Variants in ITGA7 observed in about 807,000 individuals in gnomAD.
The protein encoded by ITGA7 is integrin subunit alpha 7, also known as integrin alpha-7.
Under a neutral mutation model 131.6 loss-of-function variants are expected in ITGA7, and 84 were observed. The observed-to-expected ratio is 0.64, with a 90% CI of 0.54 to 0.77. ITGA7 has a LOEUF of 0.77. Among genes scored for constraint, ITGA7 ranks in the 30% least tolerant of loss-of-function variants. The pLI is 0.00. For synonymous variants in ITGA7, 548 were observed against 600.7 expected (o/e 0.91, Z 1.28); for missense variants, 1,399 against 1,482.9 (o/e 0.94, Z 0.93).
upstream of ITGA7, chr12:55,712,208 G>A (rs1248294211): frequency 4.5e-6 from 7 of 1,551,326 alleles, no homozygotes; most frequent in South Asian, 1.2e-5. Context: ...GGTCTTTGAC[G>A]ATCCAAAAGA....
chr12:55,712,434 C>G, upstream of ITGA7: 1 of 626,074 alleles, frequency 1.6e-6, no homozygotes, highest in South Asian at 1.9e-5. Flanking sequence ...TCATCCAACC[C>G]CTAACAACTC....
At position 55,701,259 on chromosome 12, in the gene ITGA7, T is replaced by TCACATG. The variant is rs373790389; in HGVS notation, c.415-111_415-106dup. 3.8e-3 allele frequency: 5,979 copies of TCACATG among 1,562,548 alleles called. 98 individuals carry two copies. The African/African-American group carries it at 0.046, about 12-fold the overall frequency. Reference sequence around the variant, plus strand: ...TTGGCAGATACTGATACATGTGTGCTCACATGCACATGCACATGCACACAT... The same window carrying TCACATG: ...TTGGCAGATACTGATACATGTGTGCTCACATGCACATGCACATGCACATGCACACAT... On this transcript the variant is annotated intron_variant, in intron 3 of 24. Transcript: ENST00000257879.
chr12:55,692,574 A>G (rs959564257), intron 21 of ITGA7, among the ~76,000 whole-genome samples: 22 of 152,248 alleles, frequency 1.4e-4, no homozygotes, highest in Admixed American at 7.8e-4. Flanking sequence ...TATAAAATGT[A>G]ATGCTTTATA....
At chr12:55,685,381 T>C (rs939487600) in intron 24 of ITGA7, 93 bp from the exon 25 acceptor site, 11 of 1,143,356 alleles carry the variant, frequency 9.6e-6, no homozygotes, top group Non-Finnish European at 1.4e-5. Flanking sequence ...ACCCTCACCA[T>C]CCCTGCTGCG....
rs755126682 is a variant in ITGA7, at chr12:55,684,719, C to G, written c.*339G>C. On this transcript the variant is annotated 3_prime_UTR_variant, in exon 25 of 25. Transcript: ENST00000257879. ...CTCCCCGACCCTCTAGGTTAAGGCA[C>G]TTCCGGGGAGGCAGGTCCTTGGGGT... 3 of 308,922 alleles carry G rather than the reference C, an allele frequency of 9.7e-6. No individual in the cohort carries two copies. The highest frequency in any genetic ancestry group is 4.3e-5 in the African/African-American group (2 of 47,046). 19.1% of individuals were successfully genotyped at this position (308,922 alleles called of 1,614,324 possible). A position where few individuals can be genotyped will look rare whatever the true frequency, so the allele number is the denominator to read the frequency against.
At chr12:55,695,676 C>A (rs761198268) in intron 13 of ITGA7, 39 bp from the exon 14 acceptor site, 4 of 1,449,066 alleles carry the variant, frequency 2.8e-6, no homozygotes, top group Non-Finnish European at 3.9e-6. Context: ...TCCTAGGGGG[C>A]AAGGCAGGGG....
At chr12:55,698,322 G>C (rs1873102573) in intron 7 of ITGA7, 61 bp downstream of exon 7, 1 of 1,461,800 alleles carries the variant, frequency 6.8e-7, no homozygotes, top group African/African-American at 1.4e-5. Flanking sequence ...GACCTCTGAG[G>C]GGCTTCCCCA....
At chr12:55,691,269 T>C (rs1293809397) in intron 21 of ITGA7, among the ~76,000 whole-genome samples, 3 of 152,230 alleles carry the variant, frequency 2.0e-5, no homozygotes, top group South Asian at 4.1e-4. Flanking sequence ...GTTGAACTCA[T>C]AGAAGTAGAG....
intron 24 of ITGA7, among the ~76,000 whole-genome samples, chr12:55,686,599 C>A (rs905485784): frequency 1.2e-4 from 18 of 152,174 alleles, no homozygotes; most frequent in African/African-American, 4.3e-4. Context: ...TTCTCCAGAG[C>A]CCCAAGGACA....
chr12:55,690,002 A>G (rs1201520603), intron 21 of ITGA7, among the ~76,000 whole-genome samples: 2 of 152,250 alleles, frequency 1.3e-5, no homozygotes, highest in Admixed American at 6.5e-5. Flanking sequence ...AATGTTAGAC[A>G]TAAACCATAA....
chr12:55,711,300 A>G (rs1876089009), upstream of ITGA7, among the ~76,000 whole-genome samples: 4 of 152,174 alleles, frequency 2.6e-5, no homozygotes, highest in African/African-American at 9.7e-5. Flanking sequence ...CAATATGACA[A>G]AAACCCATCT....
chr12:55,700,974 G>C lies in ITGA7; in HGVS notation c.595C>G (p.Gln199Glu), dbSNP rs2136055708. The C allele has an allele frequency of 1.2e-6, 2 of 1,614,220 alleles. No individual in the cohort carries two copies. The highest frequency in any genetic ancestry group is 1.7e-6 in the Non-Finnish European group (2 of 1,180,032). The change falls in exon 4 of 25, where the codon CAG (glutamine) becomes GAG (glutamate). Residue 199 changes from glutamine to glutamate, a missense_variant. Coordinates refer to ENST00000257879, the MANE Select transcript of ITGA7 (RefSeq NM_002206.3). ...GGGGAGAAGGCGGCAGCTGTGCCCT[G>C]CTGGCAGAACCCAAATTGTTCATGG... ...QGHEQFGFCQ[Q>E]GTAAAFSPDS... is the part of the protein sequence containing the mutation.
At chr12:55,708,954 A>G (rs1363928488), upstream of ITGA7, among the ~76,000 whole-genome samples, 1 of 152,134 alleles carries the variant, frequency 6.6e-6, no homozygotes, top group African/African-American at 2.4e-5. Context: ...ACTCTCTGCT[A>G]TTTATAACTC....
Position 55,693,150 on chromosome 12 carries a change from G to A in ITGA7, c.2703C>T (p.Ile901=). The A allele has an allele frequency of 6.2e-7, 1 of 1,613,980 alleles. No homozygotes were observed. Among genetic ancestry groups the A allele is most frequent in the Non-Finnish European group, 8.5e-7 (1 of 1,179,940 alleles). ...QKGLCSPRPN[I]LHLDVDSRDR... Reference sequence around the variant, plus strand: ...CCCACCTAAGCCTCACCAGGTGGAGGATGTTGGGCCTGGGAGAGCAAAGCC... The same window carrying A: ...CCCACCTAAGCCTCACCAGGTGGAGAATGTTGGGCCTGGGAGAGCAAAGCC... Residue 901 remains isoleucine, a synonymous_variant, in exon 20 of 25, where the codon ATC becomes ATT. Coordinates refer to ENST00000257879, the MANE Select transcript of ITGA7 (RefSeq NM_002206.3).
At chr12:55,693,426 C>G in intron 19 of ITGA7, 109 bp from the exon 20 acceptor site, 1 of 1,023,942 alleles carries the variant, frequency 9.8e-7, no homozygotes, top group Middle Eastern at 3.1e-4. Context: ...TCTCTAACTC[C>G]TGGGCTCAAG....
upstream of ITGA7, among the ~76,000 whole-genome samples, chr12:55,710,932 G>C (rs999101133): frequency 1.3e-5 from 2 of 152,166 alleles, no homozygotes; most frequent in African/African-American, 2.4e-5. Context: ...GATGGGTTTT[G>C]TATCTTGATT....
intron 19 of ITGA7, 37 bp from the exon 20 acceptor site, chr12:55,693,354 G>GTT (rs771698273): frequency 1.5e-6 from 2 of 1,352,222 alleles, no homozygotes; most frequent in Non-Finnish European, 2.1e-6. Flanking sequence ...AGAGACCTCA[G>GTT]TTTTTCTTTT....
At position 55,698,453 on chromosome 12, in the gene ITGA7, G is replaced by A. The variant is rs374967020; in HGVS notation, c.1122C>T (p.Cys374=). Residue 374 remains cysteine (C), a synonymous_variant, in exon 7 of 25, where the codon TGC becomes TGT. Coordinates refer to ENST00000257879, the MANE Select transcript of ITGA7 (RefSeq NM_002206.3). ...TCCCGAACATGGAGTCAGGGGAGCCGCAGAGCCGGAGAGGGGAGATCCCAG... is the reference window on the plus strand; with the variant it reads ...TCCCGAACATGGAGTCAGGGGAGCCACAGAGCCGGAGAGGGGAGATCCCAG... ...HWAGISPLRL[C]GSPDSMFGIS... The A allele has an allele frequency of 1.4e-5, 23 of 1,613,414 alleles. No individual in the cohort carries two copies. The highest frequency in any genetic ancestry group is 7.7e-5 in the South Asian group (7 of 91,040).
rs539955871 is a variant in ITGA7 at position 55,700,711 on chromosome 12, G to A, written c.670+188C>T. On this transcript the variant is annotated intron_variant, in intron 4 of 24. Transcript: ENST00000257879. ...CCAGCATGTTGAGGAACACTTGGCC[G>A]TGCGAGGGAAAGGAGGCACCCCCCA... 7.6e-5 allele frequency: 58 copies of A among 760,752 alleles called. No homozygotes were observed. The East Asian group carries it at 9.4e-4, about 12-fold the overall frequency. The allele number at this position is 760,752 out of a possible 1,614,324, so 47.1% of individuals were successfully genotyped here.
Sources: gnomAD v4.1 joint callset for allele counts (sites outside exome capture counted in the v4.1 genomes callset) on GRCh38, gnomAD v4.1.1 for gene constraint, MANE v1.5 for transcripts, NCBI Gene and HGNC (gene_info 2026-07-23, HGNC 2026-07-21) for gene names.